SAMMSON: variants seen among roughly 807,000 people sequenced by gnomAD.
The protein encoded by SAMMSON is survival associated mitochondrial melanoma specific oncogenic non-coding RNA.
chr3:70,011,978 G>A (rs903884158), intron 1 of SAMMSON, among the ~76,000 whole-genome samples: 1 of 152,054 alleles, frequency 6.6e-6, no homozygotes, highest in Non-Finnish European at 1.5e-5. Flanking sequence ...AACGCTGTGA[G>A]TTAGAGGTGA....
chr3:70,173,724 T>C (rs1700980746), intron 4 of SAMMSON, among the ~76,000 whole-genome samples: 1 of 151,994 alleles, frequency 6.6e-6, no homozygotes, highest in African/African-American at 2.4e-5. Context: ...ACAGTCTTGT[T>C]AATCATATTT....
chr3:70,035,766 C>T (rs1001542885), intron 3 of SAMMSON, among the ~76,000 whole-genome samples: 6 of 152,170 alleles, frequency 3.9e-5, no homozygotes, highest in Non-Finnish European at 8.8e-5. Context: ...TAGTCATTTT[C>T]AAACTAATTG....
At chr3:70,347,311 A>T (rs1702759331) in intron 7 of SAMMSON, among the ~76,000 whole-genome samples, 1 of 152,234 alleles carries the variant, frequency 6.6e-6, no homozygotes. Flanking sequence ...ATTGTGTGCA[A>T]GGCATTGCAA....
At chr3:70,039,421 A>G (rs924147475) in intron 3 of SAMMSON, among the ~76,000 whole-genome samples, 6 of 152,022 alleles carry the variant, frequency 3.9e-5, no homozygotes, top group African/African-American at 1.4e-4. Flanking sequence ...CTTGACTAGA[A>G]CAAAAATACT....
At chr3:70,238,981 A>G (rs1446647786) in intron 4 of SAMMSON, among the ~76,000 whole-genome samples, 2 of 152,208 alleles carry the variant, frequency 1.3e-5, no homozygotes, top group Admixed American at 6.5e-5. Flanking sequence ...AACTCCTAAA[A>G]TATTCACAGA....
At chr3:70,123,228 C>T (rs1420502690) in intron 4 of SAMMSON, among the ~76,000 whole-genome samples, 2 of 152,124 alleles carry the variant, frequency 1.3e-5, no homozygotes, top group African/African-American at 2.4e-5. Context: ...ACTTTGGTAA[C>T]CTCTATATTA....
chr3:70,390,567 A>T (rs1701036965), downstream of SAMMSON, among the ~76,000 whole-genome samples: 2 of 152,020 alleles, frequency 1.3e-5, no homozygotes, highest in African/African-American at 4.8e-5. Context: ...GAGAAAGAGG[A>T]TGGGGGAGGA....
chr3:70,094,996 G>C (rs991172483), intron 4 of SAMMSON: 3 of 152,208 alleles, frequency 2.0e-5, no homozygotes, highest in African/African-American at 7.2e-5. Flanking sequence ...TAGATTCAAA[G>C]ATTTTCTAAT....
At chr3:70,145,391 A>G (rs2067544424) in intron 4 of SAMMSON, among the ~76,000 whole-genome samples, 1 of 152,166 alleles carries the variant, frequency 6.6e-6, no homozygotes, top group African/African-American at 2.4e-5. Flanking sequence ...ATCAAAAACC[A>G]ACGGAATAAT....
intron 4 of SAMMSON, chr3:70,124,990 G>C: frequency 1.5e-6 from 1 of 657,874 alleles, no homozygotes; most frequent in Non-Finnish European, 2.7e-6. Flanking sequence ...CCATAGTCCA[G>C]GTGGTCAATT....
At chr3:70,167,738 C>T (rs2067643695) in intron 4 of SAMMSON, among the ~76,000 whole-genome samples, 1 of 151,898 alleles carries the variant, frequency 6.6e-6, no homozygotes, top group Non-Finnish European at 1.5e-5. Flanking sequence ...TGAACGTCAG[C>T]ACCAATTGCA....
At chr3:70,422,546 T>C (rs533261654) in intron 2 of SAMMSON, among the ~76,000 whole-genome samples, 59 of 152,144 alleles carry the variant, frequency 3.9e-4, no homozygotes, top group African/African-American at 1.3e-3. Context: ...AAAATCAAAT[T>C]GTATCCACAT....
intron 4 of SAMMSON, among the ~76,000 whole-genome samples, chr3:70,097,043 A>G (rs568364394): frequency 6.6e-6 from 1 of 152,362 alleles, no homozygotes; most frequent in South Asian, 2.1e-4. Context: ...TGCAGATCAC[A>G]TATAAGCCTC....
intron 3 of SAMMSON, among the ~76,000 whole-genome samples, chr3:70,016,858 T>G (rs1037611077): frequency 3.3e-5 from 5 of 152,070 alleles, no homozygotes; most frequent in African/African-American, 4.8e-5. Context: ...TTTCCCCATT[T>G]CTTGTTTTTG....
chr3:70,140,652 A>G (rs539744532), intron 4 of SAMMSON, among the ~76,000 whole-genome samples: 4 of 152,296 alleles, frequency 2.6e-5, no homozygotes, highest in East Asian at 3.9e-4. Context: ...CAGTGATTCT[A>G]TCTTAATGAA....
intron 3 of SAMMSON, among the ~76,000 whole-genome samples, chr3:70,045,154 TTATAA>T (rs1476627857): frequency 7.6e-6 from 1 of 131,760 alleles, no homozygotes; most frequent in East Asian, 2.0e-4. Context: ...TATATATTAA[TTATAA>T]TATATTATAA....
chr3:70,309,971 A>G (rs984425602), intron 7 of SAMMSON, among the ~76,000 whole-genome samples: 2 of 152,196 alleles, frequency 1.3e-5, no homozygotes, highest in Admixed American at 1.3e-4. Context: ...TTATTTCTGT[A>G]TGAGACATCT....
intron 3 of SAMMSON, among the ~76,000 whole-genome samples, chr3:70,020,605 C>T (rs980022014): frequency 6.6e-6 from 1 of 152,128 alleles, no homozygotes; most frequent in African/African-American, 2.4e-5. Flanking sequence ...ACTCCTCATA[C>T]TCCACAGCTT....
chr3:70,286,115 G>A (rs952564377), intron 6 of SAMMSON, among the ~76,000 whole-genome samples: 5 of 151,994 alleles, frequency 3.3e-5, no homozygotes, highest in Admixed American at 2.6e-4. Context: ...TTGGTGTTTT[G>A]GACATGAAGT....
Sources: allele counts gnomAD v4.1 joint callset (sites outside exome capture counted in the v4.1 genomes callset), GRCh38; gene constraint gnomAD v4.1.1; transcripts MANE v1.5; gene names NCBI Gene and HGNC (gene_info 2026-07-23, HGNC 2026-07-21).